The following LOXL3 variants were observed in gnomAD, a reference collection of about 807,000 sequenced individuals.
LOXL3 encodes the protein lysyl oxidase like 3, also known as lysyl oxidase homolog 3.
LOXL3 carries 60 observed loss-of-function variants against 91.8 expected under a neutral mutation model. The observed-to-expected ratio is 0.65, with a 90% CI of 0.53 to 0.81. The LOEUF is 0.81. Among genes scored for constraint, LOXL3 ranks in the 30% least tolerant of loss-of-function variants. LOXL3 has a pLI of 0.00. For synonymous variants in LOXL3, 355 were observed against 387.6 expected, an observed-to-expected ratio of 0.92 and a Z score of 0.99; for missense variants, 874 against 1,000.4, an observed-to-expected ratio of 0.87 and a Z score of 1.70.
At chr2:74,555,558 G>C (rs776928266), upstream of LOXL3, 25 of 1,609,430 alleles carry the variant, frequency 1.6e-5, no homozygotes, top group African/African-American at 3.5e-4. This position sits in a 1 kb window ranked among gnomAD's most constrained non-coding sequence, Gnocchi z 6.1. Context: ...CGGGTTTCTC[G>C]ATGCTCTCTA....
intron 4 of LOXL3, among the ~76,000 whole-genome samples, chr2:74,546,733 T>C (rs1676612551): frequency 6.6e-6 from 1 of 152,250 alleles, no homozygotes; most frequent in Non-Finnish European, 1.5e-5. Context: ...TATTTTTATT[T>C]GAGACGGAGT....
In LOXL3 at chr2:74,536,323, C is replaced by T. The variant is rs77262790; in HGVS notation, c.1061G>A (p.Arg354Gln). ...CATGCGAGCGCCACTCAGAGCTTCT[C>T]GAGCACTCCCGAAGCCCAGCTCCCG... ...VCRELGFGSAREALSGARMGQ... is the reference protein window; with the variant it reads ...VCRELGFGSAQEALSGARMGQ... The change falls in exon 6 of 14, where the codon CGA (arginine) becomes CAA (glutamine). Residue 354 changes from arginine to glutamine, a missense_variant. By Grantham distance (43) the Arg-to-Gln change is conservative (BLOSUM62 1). Coordinates refer to ENST00000264094, the MANE Select transcript of LOXL3 (RefSeq NM_032603.5). The surrounding 1 kb of genome is among the most constrained non-coding windows in gnomAD (Gnocchi z 4.5). The T allele has an allele frequency of 6.7e-4, 1,080 of 1,614,000 alleles. 8 individuals carry two copies. The African/African-American group carries it at 0.013, about 19-fold the overall frequency.
intron 4 of LOXL3, among the ~76,000 whole-genome samples, chr2:74,539,542 C>T (rs1676202773): frequency 6.6e-6 from 1 of 152,128 alleles, no homozygotes; most frequent in South Asian, 2.1e-4. Flanking sequence ...GGAATCCAAG[C>T]TATTTGGGGT....
chr2:74,542,160 G>C lies in LOXL3; in HGVS notation c.693-5232C>G, dbSNP rs186258037. 1.5e-3 allele frequency among the ~76,000 whole-genome samples: 226 copies of C among 152,292 alleles called. 2 individuals are homozygous for C. Among genetic ancestry groups the C allele is most frequent in the African/African-American group, 5.1e-3 (213 of 41,560 alleles). On this transcript the variant is annotated intron_variant, in intron 4 of 13. Coordinates refer to ENST00000264094, the MANE Select transcript of LOXL3 (RefSeq NM_032603.5). ...ATTTAAAAATTAGCCGGGTGTGGTG[G>C]CTCGAGCCTGTAGTTCCAGCTACTC...
chr2:74,533,277 C>G lies in LOXL3; in HGVS notation c.*329G>C. On this transcript the variant is annotated 3_prime_UTR_variant, in exon 14 of 14. Coordinates refer to ENST00000264094, the MANE Select transcript of LOXL3 (RefSeq NM_032603.5). The stretch of plus-strand genomic sequence containing the variant: ...CCTAAACTTAGGGGAGATACTGGAG[C>G]TGACCATCCTGACCTCCTATTAAAG... 3.7e-6 allele frequency: 2 copies of G among 533,420 alleles called. No individual in the cohort carries two copies. The highest frequency in any genetic ancestry group is 6.7e-6 in the Non-Finnish European group (2 of 299,452). The allele number at this position is 533,420 out of a possible 1,614,324, so 33.0% of individuals were successfully genotyped here.
chr2:74,532,969 C>G lies in LOXL3; in HGVS notation c.*637G>C. 6.2e-7 allele frequency: 1 copy of G among 1,613,838 alleles called. No homozygotes were observed. The highest frequency in any genetic ancestry group is 8.5e-7 in the Non-Finnish European group (1 of 1,179,936). On this transcript the variant is annotated 3_prime_UTR_variant, in exon 14 of 14. Coordinates refer to ENST00000264094, the MANE Select transcript of LOXL3 (RefSeq NM_032603.5). ...GAAACACTGACCTTATATGTGACCC[C>G]TGAGGTCACAGAATGAATAGATCAC... is the stretch of plus-strand genomic sequence containing the variant.
At position 74,536,034 on chromosome 2, in the gene LOXL3, C is replaced by T. The variant is rs755800115; in HGVS notation, c.1210G>A (p.Val404Ile). 1.3e-5 allele frequency: 21 copies of T among 1,601,610 alleles called. No homozygotes were observed. In the South Asian group the frequency reaches 2.4e-4, roughly 18 times the overall value. ...EDCSHSQDAG[V>I]RCNLPYTGAE... ...CCAGTGTAAGGTAGGTTGCACCGGA[C>T]CCCGGCATCCTGGCTATGTGAACAA... The change falls in exon 7 of 14, where the codon GTC becomes ATC. Residue 404 changes from valine to isoleucine, a missense_variant. Coordinates refer to ENST00000264094, the MANE Select transcript of LOXL3 (RefSeq NM_032603.5). The surrounding 1 kb of genome is among the most constrained non-coding windows in gnomAD (Gnocchi z 4.5).
intron 4 of LOXL3, among the ~76,000 whole-genome samples, chr2:74,547,426 C>T (rs901878547): frequency 2.6e-5 from 4 of 152,138 alleles, no homozygotes; most frequent in East Asian, 1.9e-4. Context: ...CTAAATTCTA[C>T]GCATCTTTCA....
At chr2:74,537,797 C>T (rs980793156) in intron 4 of LOXL3, among the ~76,000 whole-genome samples, 4 of 152,112 alleles carry the variant, frequency 2.6e-5, no homozygotes, top group African/African-American at 7.2e-5. Context: ...ACTTCTTTAT[C>T]GATACCAGTA....
chr2:74,551,763 G>A lies in LOXL3; in HGVS notation c.313+559C>T, dbSNP rs967641760. On this transcript the variant is annotated intron_variant, in intron 2 of 13. Transcript: ENST00000264094. ...GCTTCTGTCCATCATTCCCACTGTG[G>A]GTTCATACCATGGGCACAGTCCTAG... 3.3e-5 allele frequency among the ~76,000 whole-genome samples: 5 copies of A among 152,368 alleles called. No individual in the cohort carries two copies. In the South Asian group the frequency reaches 8.3e-4, roughly 25 times the overall value.
Position 74,549,946 on chromosome 2 carries a change from CA to C in LOXL3, c.477+238del, listed in dbSNP as rs1216954502. 8 of 985,314 alleles carry C rather than the reference CA, an allele frequency of 8.1e-6. No individual in the cohort carries two copies. The highest frequency in any genetic ancestry group is 9.6e-6 in the Non-Finnish European group (8 of 829,936). 61.0% of individuals were successfully genotyped at this position (985,314 alleles called of 1,614,324 possible). A position where few individuals can be genotyped will look rare whatever the true frequency, so the allele number is the denominator to read the frequency against. On this transcript the variant is annotated intron_variant, in intron 3 of 13. Coordinates refer to ENST00000264094, the MANE Select transcript of LOXL3 (RefSeq NM_032603.5). This position sits in a 1 kb window ranked among gnomAD's most constrained non-coding sequence, Gnocchi z 5.3. ...AGGAGAAGGAGAGCACCAGGTGCCC[CA>C]GGGGTGACTAGGGATGAAGCTGGAG...
upstream of LOXL3, chr2:74,554,881 G>C (rs1472094527): frequency 6.3e-7 from 1 of 1,599,716 alleles, no homozygotes; most frequent in Non-Finnish European, 8.5e-7. The surrounding 1 kb of genome is among the most constrained non-coding windows in gnomAD (Gnocchi z 4.9). Context: ...CAGAAACAGG[G>C]AGAGGTGGGC....
intron 4 of LOXL3, chr2:74,539,850 C>T (rs1289902977): frequency 1.3e-5 from 2 of 152,708 alleles, no homozygotes; most frequent in East Asian, 3.9e-4. Context: ...CCTCAACTTT[C>T]TGTGAGGATA....
In LOXL3 at chr2:74,549,831, C is replaced by G. The variant is rs967571799; in HGVS notation, c.478-248G>C. ...ACTAGGAAGGAGGCCCTCCCTGTGC[C>G]TGGAGCAGGAGGGAGCACTTCAAAA... On this transcript the variant is annotated intron_variant, in intron 3 of 13. Transcript: ENST00000264094. The surrounding 1 kb of genome is among the most constrained non-coding windows in gnomAD (Gnocchi z 5.3). 3.0e-5 allele frequency: 30 copies of G among 985,266 alleles called. No homozygotes were observed. The highest frequency in any genetic ancestry group is 3.5e-5 in the Non-Finnish European group (29 of 829,932). 61.0% of individuals were successfully genotyped at this position (985,266 alleles called of 1,614,324 possible).
Position 74,534,211 on chromosome 2 carries a change from G to A in LOXL3, c.1965C>T (p.Ala655=). ...QEDVSKRYEC[A]NFGEQGITVG... is the part of the protein sequence containing the mutation. ...CAGTGATGCCTTGCTCTCCAAAGTTGGCACACTCATACCGCTTGGAGACAT... is the reference window on the plus strand; with the variant it reads ...CAGTGATGCCTTGCTCTCCAAAGTTAGCACACTCATACCGCTTGGAGACAT... The change falls in exon 12 of 14, where the codon GCC becomes GCT. Residue 655 remains alanine (A), a synonymous_variant. Transcript: ENST00000264094. 1.2e-6 allele frequency: 2 copies of A among 1,614,142 alleles called. No homozygotes were observed. Among genetic ancestry groups the A allele is most frequent in the Non-Finnish European group, 1.7e-6 (2 of 1,180,030 alleles).
chr2:74,535,764 A>T lies in LOXL3; in HGVS notation c.1249-9T>A, dbSNP rs756892065. On this transcript the variant is annotated splice_polypyrimidine_tract_variant and intron_variant, in intron 7 of 13. Coordinates refer to ENST00000264094, the MANE Select transcript of LOXL3 (RefSeq NM_032603.5). The surrounding 1 kb of genome is among the most constrained non-coding windows in gnomAD (Gnocchi z 4.2). ...CCCCCACTGAGTCGGATCTGTAGTGACACAGAATGGAAGCGCTGGAGAAAG... is the reference window on the plus strand; with the variant it reads ...CCCCCACTGAGTCGGATCTGTAGTGTCACAGAATGGAAGCGCTGGAGAAAG... The T allele has an allele frequency of 1.9e-6, 3 of 1,550,392 alleles. No individual in the cohort carries two copies. The African/African-American group carries it at 4.2e-5, about 21-fold the overall frequency.
At chr2:74,554,987 T>C (rs988060405), upstream of LOXL3, 6 of 1,396,394 alleles carry the variant, frequency 4.3e-6, no homozygotes, top group Admixed American at 4.0e-5. The surrounding 1 kb of genome is among the most constrained non-coding windows in gnomAD (Gnocchi z 4.9). Context: ...GTCTAGGGGT[T>C]CTGGTCCTGG....
In LOXL3 at chr2:74,549,853, A is replaced by C; in HGVS notation, c.478-270T>G. The stretch of plus-strand genomic sequence containing the variant: ...TGCCTGGAGCAGGAGGGAGCACTTC[A>C]AAAAGGAAATGGCTTTGAAGGAGGA... On this transcript the variant is annotated intron_variant, in intron 3 of 13. Transcript: ENST00000264094. This position sits in a 1 kb window ranked among gnomAD's most constrained non-coding sequence, Gnocchi z 5.3. 1.0e-6 allele frequency: 1 copy of C among 985,440 alleles called. No homozygotes were observed. Among genetic ancestry groups the C allele is most frequent in the African/African-American group, 1.7e-5 (1 of 57,376 alleles). The allele number at this position is 985,440 out of a possible 1,614,324, so 61.0% of individuals were successfully genotyped here.
At position 74,546,455 on chromosome 2, in the gene LOXL3, C is replaced by T. The variant is rs371048789; in HGVS notation, c.692+2914G>A. 1.1e-4 allele frequency among the ~76,000 whole-genome samples: 17 copies of T among 152,258 alleles called. No individual in the cohort carries two copies. The East Asian group carries it at 3.1e-3, about 28-fold the overall frequency. ...AAGACCACCTACACTGCATCTCCTACCATTTTCTTCTTTTTCACTCAGCTC... is the reference window on the plus strand; with the variant it reads ...AAGACCACCTACACTGCATCTCCTATCATTTTCTTCTTTTTCACTCAGCTC... On this transcript the variant is annotated intron_variant, in intron 4 of 13. Transcript: ENST00000264094.
Sources: allele counts gnomAD v4.1 joint callset (sites outside exome capture counted in the v4.1 genomes callset), GRCh38; gene constraint gnomAD v4.1.1; non-coding constraint Gnocchi (gnomAD v3.1); transcripts MANE v1.5; gene names NCBI Gene and HGNC (gene_info 2026-07-23, HGNC 2026-07-21).